The following SPIDR variants were observed in gnomAD, a reference collection of about 807,000 sequenced individuals.
The protein encoded by SPIDR is scaffold protein involved in DNA repair.
A neutral mutation model predicts 104.6 loss-of-function variants in SPIDR; 93 were observed. That is an observed-to-expected ratio of 0.89 (90% CI 0.75 to 1.06). SPIDR has a LOEUF of 1.06. Ranked by LOEUF, SPIDR falls within the 50% of genes least tolerant of loss-of-function variation. The pLI is 0.00. For missense variants in SPIDR, 1,154 were observed against 1,111.2 expected, an observed-to-expected ratio of 1.04 and a Z score of -0.55; for synonymous variants, 431 against 416.9, an observed-to-expected ratio of 1.03 and a Z score of -0.41.
chr8:47,261,422 G>T (rs1288852877), intron 1 of SPIDR, among the ~76,000 whole-genome samples: 3 of 152,186 alleles, frequency 2.0e-5, no homozygotes, highest in African/African-American at 2.4e-5. Flanking sequence ...ACTCGGAGGG[G>T]ACTGTGCGGC....
In SPIDR at chr8:47,280,026, T is replaced by G. The variant is rs1185135572; in HGVS notation, c.189+9T>G. 15 of 1,610,906 alleles carry G rather than the reference T, an allele frequency of 9.3e-6. No homozygotes were observed. Among genetic ancestry groups the G allele is most frequent in the African/African-American group, 1.3e-5 (1 of 74,780 alleles). ...ACACTTCTGGGAATCCGGTAAAGTA[T>G]CTGTAGAATTGTTTTCCCTGAATGC... On this transcript the variant is annotated intron_variant, in intron 2 of 19. Transcript: ENST00000297423.
chr8:47,515,279 T>G (rs1377928619), intron 8 of SPIDR, among the ~76,000 whole-genome samples: 1 of 152,252 alleles, frequency 6.6e-6, no homozygotes. Context: ...GAGGAATTAC[T>G]TACAGAATTA....
At chr8:47,318,110 T>C (rs1431794626) in intron 5 of SPIDR, among the ~76,000 whole-genome samples, 3 of 151,774 alleles carry the variant, frequency 2.0e-5, no homozygotes, top group African/African-American at 7.3e-5. Flanking sequence ...CTTTGACGAG[T>C]TGAGAGAAGA....
At chr8:47,549,159 C>G (rs1209456400) in intron 8 of SPIDR, among the ~76,000 whole-genome samples, 1 of 152,166 alleles carries the variant, frequency 6.6e-6, no homozygotes, top group Admixed American at 6.5e-5. Context: ...TTTCTTAATC[C>G]AGTCTATCAT....
At chr8:47,279,508 G>C (rs2037293531) in intron 1 of SPIDR, 1 of 186,064 alleles carries the variant, frequency 5.4e-6, no homozygotes, top group East Asian at 1.3e-4. Flanking sequence ...CAGATCTGTT[G>C]CTTGCTTTGC....
chr8:47,462,871 G>C (rs576046438), intron 8 of SPIDR, among the ~76,000 whole-genome samples: 1 of 152,172 alleles, frequency 6.6e-6, no homozygotes, highest in East Asian at 1.9e-4. Context: ...AATCAAAACT[G>C]AAGAGACTAT....
At chr8:47,303,144 G>T (rs2042484679) in intron 5 of SPIDR, among the ~76,000 whole-genome samples, 1 of 152,218 alleles carries the variant, frequency 6.6e-6, no homozygotes, top group African/African-American at 2.4e-5. Flanking sequence ...CTTGGCAATG[G>T]TGGCTGCCCC....
At chr8:47,285,586 C>G (rs943188474) in intron 3 of SPIDR, among the ~76,000 whole-genome samples, 2 of 152,156 alleles carry the variant, frequency 1.3e-5, no homozygotes, top group East Asian at 1.9e-4. Flanking sequence ...CTAGACCTCT[C>G]TCCTTGGCTT....
At chr8:47,354,684 C>T (rs140110384) in intron 5 of SPIDR, among the ~76,000 whole-genome samples, 1 of 151,870 alleles carries the variant, frequency 6.6e-6, no homozygotes, top group Non-Finnish European at 1.5e-5. Context: ...CTCTGTTGCC[C>T]AGGCTGAAGT....
chr8:47,334,867 A>G (rs1157720193), intron 5 of SPIDR, among the ~76,000 whole-genome samples: 1 of 151,774 alleles, frequency 6.6e-6, no homozygotes, highest in Admixed American at 6.6e-5. Flanking sequence ...ATATGATTCT[A>G]TTTTTTTCTC....
At chr8:47,312,425 G>C (rs1190302883) in intron 5 of SPIDR, among the ~76,000 whole-genome samples, 1 of 152,198 alleles carries the variant, frequency 6.6e-6, no homozygotes, top group Admixed American at 6.5e-5. Flanking sequence ...ACTGGTGTGA[G>C]ATGGTATCTC....
At chr8:47,384,143 C>G (rs782729006) in intron 5 of SPIDR, among the ~76,000 whole-genome samples, 2 of 152,114 alleles carry the variant, frequency 1.3e-5, no homozygotes, top group Non-Finnish European at 2.9e-5. Flanking sequence ...GCTACATTAG[C>G]ATGTATTGGT....
chr8:47,647,677 GGA>G (rs140899135), intron 10 of SPIDR, among the ~76,000 whole-genome samples: 3,037 of 69,482 alleles, frequency 0.044, 69 homozygotes, highest in African/African-American at 0.11. Flanking sequence ...AGGGAGAGAG[GGA>G]GAGAGAGAGA....
At chr8:47,583,572 G>T (rs1347882937) in intron 8 of SPIDR, among the ~76,000 whole-genome samples, 2 of 152,148 alleles carry the variant, frequency 1.3e-5, no homozygotes, top group Non-Finnish European at 2.9e-5. Context: ...CGTGGTGTTG[G>T]ATTGATTGCA....
At chr8:47,488,675 G>T (rs910189318) in intron 8 of SPIDR, among the ~76,000 whole-genome samples, 13 of 152,068 alleles carry the variant, frequency 8.5e-5, no homozygotes, top group Non-Finnish European at 1.2e-4. Context: ...GCTTCATCCC[G>T]GGGATGCAAG....
intron 8 of SPIDR, among the ~76,000 whole-genome samples, chr8:47,518,188 A>C (rs1259057797): frequency 6.6e-6 from 1 of 152,236 alleles, no homozygotes; most frequent in Non-Finnish European, 1.5e-5. Flanking sequence ...GCAGCCAGGC[A>C]CTTTGTTAGT....
At chr8:47,512,509 A>G (rs756043094) in intron 8 of SPIDR, among the ~76,000 whole-genome samples, 2 of 152,192 alleles carry the variant, frequency 1.3e-5, no homozygotes, top group Non-Finnish European at 1.5e-5. Flanking sequence ...AGAGCATAAC[A>G]TGAAGGAGGT....
At chr8:47,565,751 A>G (rs1287453083) in intron 8 of SPIDR, among the ~76,000 whole-genome samples, 3 of 150,942 alleles carry the variant, frequency 2.0e-5, no homozygotes, top group Non-Finnish European at 4.4e-5. Flanking sequence ...GTCCTTATAT[A>G]CTATTCAAAT....
chr8:47,611,860 A>G (rs2063651449), intron 10 of SPIDR, among the ~76,000 whole-genome samples: 1 of 152,224 alleles, frequency 6.6e-6, no homozygotes, highest in Admixed American at 6.5e-5. Context: ...AAATAAAATT[A>G]CCTGAGAGGA....
Sources: allele counts gnomAD v4.1 joint callset (sites outside exome capture counted in the v4.1 genomes callset), GRCh38; gene constraint gnomAD v4.1.1; transcripts MANE v1.5; gene names NCBI Gene and HGNC (gene_info 2026-07-23, HGNC 2026-07-21).